TNNI3K: variants seen among roughly 807,000 people sequenced by gnomAD.
The protein encoded by TNNI3K is TNNI3 interacting kinase.
In TNNI3K, 140 loss-of-function variants were observed where a neutral mutation model predicts 114.5. The ratio of observed to expected loss-of-function variants is 1.22; its 90% confidence interval spans 1.07 to 1.41. TNNI3K has a LOEUF of 1.41. Ranked by LOEUF, TNNI3K falls within the 40% of genes most tolerant of loss-of-function variation. The pLI, the probability that TNNI3K is intolerant of heterozygous loss-of-function variation, is 0.00. For missense variants in TNNI3K, 1,125 were observed against 1,007.6 expected (o/e 1.12, Z -1.58); for synonymous variants, 347 against 347.5 (o/e 1.00, Z 0.02).
chr1:74,464,923 G>A (rs932485791), intron 21 of TNNI3K: 18 of 1,269,782 alleles, frequency 1.4e-5, no homozygotes, highest in South Asian at 3.1e-5. Context: ...ATGAATACCA[G>A]TATTGCCTAT....
rs151059735 is a variant in TNNI3K, at chr1:74,389,475, A to G, written c.1772+19083A>G. 1.4e-3 allele frequency among the ~76,000 whole-genome samples: 214 copies of G among 152,240 alleles called. 2 individuals carry two copies. Among genetic ancestry groups the G allele is most frequent in the African/African-American group, 4.9e-3 (202 of 41,548 alleles). ...TAGAGGGCATTTGGAAATTTCATGA[A>G]CCTTAGTATCTTTTAGAAGCTTTGT... On this transcript the variant is annotated intron_variant, in intron 17 of 24. Transcript: ENST00000326637.
intron 21 of TNNI3K, chr1:74,471,549 C>G (rs2100737878): frequency 5.0e-6 from 2 of 400,660 alleles, no homozygotes; most frequent in East Asian, 7.1e-5. Flanking sequence ...AATTAGTAAA[C>G]CATTTTTCTC....
intron 17 of TNNI3K, among the ~76,000 whole-genome samples, chr1:74,419,271 A>G (rs1665280869): frequency 6.6e-6 from 1 of 151,950 alleles, no homozygotes; most frequent in Non-Finnish European, 1.5e-5. Context: ...TCTTCTTTTC[A>G]ATCTCTTATA....
rs774973228 is a variant in TNNI3K, at chr1:74,250,761, G to A, written c.325G>A (p.Val109Ile). Residue 109 changes from valine (V) to isoleucine (I), a missense_variant, in exon 4 of 25, where the codon GTT (valine) becomes ATT (isoleucine). Val to Ile is a conservative substitution (Grantham distance 29, BLOSUM62 3). Coordinates refer to ENST00000326637, the MANE Select transcript of TNNI3K (RefSeq NM_015978.3). ...RNGFTALHLA[V>I]YKDNAELITS... ...TGGATTTACAGCCTTGCATTTAGCA[G>A]TTTACAAGGTAGGACACTTTAATTC... 12 of 1,586,618 alleles carry A rather than the reference G, an allele frequency of 7.6e-6. No individual in the cohort carries two copies. The highest frequency in any genetic ancestry group is 1.7e-4 in the Middle Eastern group (1 of 5,972).
chr1:74,509,579 G>A (rs1010254397), intron 23 of TNNI3K, among the ~76,000 whole-genome samples: 22 of 151,746 alleles, frequency 1.4e-4, no homozygotes, highest in Admixed American at 7.2e-4. Context: ...TTAACATAGA[G>A]GACAATGAAT....
chr1:74,486,323 G>A (rs1241790895), intron 21 of TNNI3K, among the ~76,000 whole-genome samples: 1 of 151,672 alleles, frequency 6.6e-6, no homozygotes, highest in African/African-American at 2.4e-5. Context: ...CCTTCAGGTA[G>A]CTGTCATTTA....
At chr1:74,325,545 G>A (rs138547482) in intron 5 of TNNI3K, among the ~76,000 whole-genome samples, 386 of 152,242 alleles carry the variant, frequency 2.5e-3, no homozygotes, top group Non-Finnish European at 4.4e-3. Context: ...CTGAGAAAAC[G>A]TAAAATTATA....
intron 17 of TNNI3K, among the ~76,000 whole-genome samples, chr1:74,405,829 C>G (rs183781255): frequency 2.0e-5 from 3 of 152,166 alleles, no homozygotes; most frequent in Admixed American, 6.6e-5. Flanking sequence ...TTCAAAAAGT[C>G]GGTTGAATAC....
intron 23 of TNNI3K, among the ~76,000 whole-genome samples, chr1:74,533,720 T>C (rs957611277): frequency 2.6e-4 from 40 of 151,886 alleles, no homozygotes; most frequent in African/African-American, 5.3e-4. Flanking sequence ...CACCATGGAA[T>C]ACTATGCAGC....
At chr1:74,443,582 A>G (rs935619111) in intron 20 of TNNI3K, among the ~76,000 whole-genome samples, 1 of 152,242 alleles carries the variant, frequency 6.6e-6, no homozygotes, top group Non-Finnish European at 1.5e-5. Flanking sequence ...CCTGAGGTAC[A>G]AAGAGGAGCT....
chr1:74,416,150 T>C (rs767012595), intron 17 of TNNI3K, among the ~76,000 whole-genome samples: 1 of 152,136 alleles, frequency 6.6e-6, no homozygotes, highest in Non-Finnish European at 1.5e-5. Context: ...AGCGTCCAAA[T>C]ATAGCACATG....
Position 74,336,035 on chromosome 1 carries a change from G to A in TNNI3K, c.568G>A (p.Gly190Ser). The part of the protein sequence containing the change: ...EQVTRLLLKF[G>S]ADVNVSGEVG... Reference sequence around the variant, plus strand: ...GGTAACTCGCCTTCTTTTGAAATTTGGTGCTGATGTAAATGTAAGTGGTGA... The same window carrying A: ...GGTAACTCGCCTTCTTTTGAAATTTAGTGCTGATGTAAATGTAAGTGGTGA... Residue 190 changes from glycine to serine, a missense_variant, in exon 7 of 25, where the codon GGT becomes AGT. Gly to Ser is a moderately conservative substitution (Grantham distance 56, BLOSUM62 0). Coordinates refer to ENST00000326637, the MANE Select transcript of TNNI3K (RefSeq NM_015978.3). 1 of 1,577,064 alleles carries A rather than the reference G, an allele frequency of 6.3e-7. No individual in the cohort carries two copies.
intron 20 of TNNI3K, among the ~76,000 whole-genome samples, chr1:74,445,182 C>T (rs1335928444): frequency 3.3e-5 from 5 of 150,930 alleles, no homozygotes; most frequent in Admixed American, 6.6e-5. Flanking sequence ...AATTGACAAA[C>T]GTGATCTAAA....
At chr1:74,530,469 C>T (rs1646566980) in intron 23 of TNNI3K, among the ~76,000 whole-genome samples, 1 of 151,964 alleles carries the variant, frequency 6.6e-6, no homozygotes, top group African/African-American at 2.4e-5. Flanking sequence ...GAGTAGAGTC[C>T]CTGGCGCTTA....
chr1:74,353,670 G>C (rs577299689), intron 10 of TNNI3K, among the ~76,000 whole-genome samples: 1 of 151,474 alleles, frequency 6.6e-6, no homozygotes. Flanking sequence ...AACCTGTGAT[G>C]GGTCTTTGTT....
At chr1:74,465,665 G>T (rs1667647078) in intron 21 of TNNI3K, among the ~76,000 whole-genome samples, 1 of 152,140 alleles carries the variant, frequency 6.6e-6, no homozygotes, top group Admixed American at 6.5e-5. Flanking sequence ...GGACTGGTGG[G>T]CAGCTCTGCC....
At chr1:74,523,373 A>G (rs1279930209) in intron 23 of TNNI3K, among the ~76,000 whole-genome samples, 1 of 152,210 alleles carries the variant, frequency 6.6e-6, no homozygotes, top group African/African-American at 2.4e-5. Context: ...ATCTAAGAGA[A>G]CAAGCAATTT....
At chr1:74,369,776 C>A (rs1662498057) in intron 16 of TNNI3K, 191 bp downstream of exon 16, 1 of 610,680 alleles carries the variant, frequency 1.6e-6, no homozygotes, top group Non-Finnish European at 2.4e-6. Flanking sequence ...ATACTTTATG[C>A]TTTCTTAGCA....
chr1:74,243,391 C>G (rs1335769815), intron 2 of TNNI3K, among the ~76,000 whole-genome samples: 1 of 152,108 alleles, frequency 6.6e-6, no homozygotes, highest in Non-Finnish European at 1.5e-5. Flanking sequence ...TTGCAACTAG[C>G]CATTTGAAAC....
Sources: gnomAD v4.1 joint callset for allele counts (sites outside exome capture counted in the v4.1 genomes callset) on GRCh38, gnomAD v4.1.1 for gene constraint, MANE v1.5 for transcripts, NCBI Gene and HGNC (gene_info 2026-07-23, HGNC 2026-07-21) for gene names.